The following ZNF260 variants were observed in gnomAD, a reference collection of about 807,000 sequenced individuals.
The protein encoded by ZNF260 is zinc finger protein 260.
A neutral mutation model predicts 29.3 loss-of-function variants in ZNF260; 21 were observed. The observed-to-expected ratio is 0.72, with a 90% CI of 0.51 to 1.03. ZNF260 has a LOEUF of 1.03. Ranked by LOEUF, ZNF260 falls within the 50% of genes least tolerant of loss-of-function variation. The probability of loss-of-function intolerance (pLI) is 0.00; values close to 1 mark genes in which losing one functional copy is unlikely to be tolerated. For missense variants in ZNF260, 465 were observed against 487.8 expected (o/e 0.95, Z 0.44); for synonymous variants, 156 against 156.8 (o/e 0.99, Z 0.04).
chr19:36,516,857 C>T (rs923514786), intron 2 of ZNF260, among the ~76,000 whole-genome samples: 22 of 152,154 alleles, frequency 1.4e-4, no homozygotes, highest in Admixed American at 4.6e-4. Context: ...GGATTACAGG[C>T]GTGAGCCACT....
At chr19:36,526,422 C>T (rs954228249) in intron 1 of ZNF260, among the ~76,000 whole-genome samples, 1 of 152,064 alleles carries the variant, frequency 6.6e-6, no homozygotes, top group Non-Finnish European at 1.5e-5. Context: ...ACACCTGTAC[C>T]TCAGCTACTT....
chr19:36,527,470 A>G (rs986489998), intron 1 of ZNF260, among the ~76,000 whole-genome samples: 6 of 152,214 alleles, frequency 3.9e-5, no homozygotes, highest in Non-Finnish European at 7.3e-5. Context: ...AATTTCCCCT[A>G]TATTTACAAA....
In ZNF260 at chr19:36,512,249, T is replaced by C. The variant is rs2034463621; in HGVS notation, c.*1751A>G. On this transcript the variant is annotated 3_prime_UTR_variant, in exon 3 of 3. Transcript: ENST00000523638. ...TATTTTAAAGATAAGATTTTAGAAA[T>C]ATCTTCTACAGAATATTAGTATCTG... The C allele has an allele frequency of 6.6e-6, 1 of 152,174 alleles. No homozygotes were observed. Among genetic ancestry groups the C allele is most frequent in the Non-Finnish European group, 1.5e-5 (1 of 68,028 alleles). 9.4% of individuals were successfully genotyped at this position (152,174 alleles called of 1,614,324 possible).
intron 1 of ZNF260, 59 bp from the exon 2 acceptor site, chr19:36,525,432 G>A (rs1446637278): frequency 6.6e-6 from 1 of 152,122 alleles, no homozygotes; most frequent in Non-Finnish European, 1.5e-5. Flanking sequence ...GTGAGCAAAT[G>A]GAAAAACAGT....
chr19:36,525,553 G>A (rs879603426), intron 1 of ZNF260, among the ~76,000 whole-genome samples, 180 bp from the exon 2 acceptor site: 2 of 152,130 alleles, frequency 1.3e-5, no homozygotes, highest in Admixed American at 6.6e-5. Flanking sequence ...TTGGGAGGCC[G>A]AGGCAGGCAG....
intron 1 of ZNF260, among the ~76,000 whole-genome samples, chr19:36,526,345 A>G (rs1398883212): frequency 2.6e-5 from 4 of 152,040 alleles, no homozygotes; most frequent in Admixed American, 1.3e-4. Context: ...GTTCGAGACC[A>G]GGCTGGCCAA....
intron 1 of ZNF260, among the ~76,000 whole-genome samples, chr19:36,525,962 G>C (rs974272105): frequency 6.6e-6 from 1 of 152,128 alleles, no homozygotes; most frequent in Admixed American, 6.6e-5. Context: ...CCTTGCTCCT[G>C]AGTGAAGTCA....
rs2034475257 is a variant in ZNF260, at chr19:36,512,911, C to G, written c.*1089G>C. On this transcript the variant is annotated 3_prime_UTR_variant, in exon 3 of 3. Coordinates refer to ENST00000523638, the MANE Select transcript of ZNF260 (RefSeq NM_001166037.2). Reference sequence around the variant, plus strand: ...TGTGTTCATGTTTCTTGGGTAGATGCATATATATAGTAGTTCCCCCTTATC... The same window carrying G: ...TGTGTTCATGTTTCTTGGGTAGATGGATATATATAGTAGTTCCCCCTTATC... The G allele has an allele frequency of 6.6e-6, 1 of 152,098 alleles. No individual in the cohort carries two copies. The highest frequency in any genetic ancestry group is 1.5e-5 in the Non-Finnish European group (1 of 68,012). 9.4% of individuals were successfully genotyped at this position (152,098 alleles called of 1,614,324 possible). A position where few individuals can be genotyped will look rare whatever the true frequency, so the allele number is the denominator to read the frequency against.
chr19:36,516,620 C>A (rs1382439902), intron 2 of ZNF260, among the ~76,000 whole-genome samples: 1 of 152,094 alleles, frequency 6.6e-6, no homozygotes, highest in Admixed American at 6.5e-5. Flanking sequence ...GCTCTGTCGC[C>A]CAGGCTGGAG....
rs2034482052 is a variant in ZNF260, at chr19:36,513,248, C to CT, written c.*751dup. On this transcript the variant is annotated 3_prime_UTR_variant, in exon 3 of 3. Transcript: ENST00000523638. ...TCCATCTCTTGCAGAAAATAGGGGA[C>CT]TACCATACTCAAGAGTGGAACTACC... The CT allele has an allele frequency of 6.6e-6, 1 of 152,114 alleles. No individual in the cohort carries two copies. Among genetic ancestry groups the CT allele is most frequent in the African/African-American group, 2.4e-5 (1 of 41,406 alleles). 9.4% of individuals were successfully genotyped at this position (152,114 alleles called of 1,614,324 possible).
rs2967505 is a variant in ZNF260 at position 36,514,036 on chromosome 19, T to C, written c.1203A>G (p.Ser401=). 539,587 of 1,613,346 alleles carry C rather than the reference T, an allele frequency of 0.33. 91,686 individuals carry two copies. Among genetic ancestry groups the C allele is most frequent in the African/African-American group, 0.41 (30,953 of 74,896 alleles). ...SECGKAFSQK[S]HHIRHQRIHT... ...GAATTCTCTGGTGTCTAATGTGATGTGACTTTTGGCTGAAAGCTTTCCCAC... is the reference window on the plus strand; with the variant it reads ...GAATTCTCTGGTGTCTAATGTGATGCGACTTTTGGCTGAAAGCTTTCCCAC... Residue 401 remains serine (S), a synonymous_variant, in exon 3 of 3, where the codon TCA becomes TCG. Transcript: ENST00000523638.
In ZNF260 at chr19:36,525,141, T is replaced by A. The variant is rs2034713454; in HGVS notation, c.-462+14A>T. 1 of 152,224 alleles carries A rather than the reference T, an allele frequency of 6.6e-6. No individual in the cohort carries two copies. Among genetic ancestry groups the A allele is most frequent in the Admixed American group, 6.5e-5 (1 of 15,276 alleles). 9.4% of individuals were successfully genotyped at this position (152,224 alleles called of 1,614,324 possible). ...TGAATAACTGCAATAAGTCTTTATCTCATTCATACCTACCAGGTTCTTGCT... is the reference window on the plus strand; with the variant it reads ...TGAATAACTGCAATAAGTCTTTATCACATTCATACCTACCAGGTTCTTGCT... On this transcript the variant is annotated intron_variant, in intron 2 of 2. Transcript: ENST00000523638.
chr19:36,526,684 T>G (rs1280618766), intron 1 of ZNF260, among the ~76,000 whole-genome samples: 1 of 152,216 alleles, frequency 6.6e-6, no homozygotes, highest in East Asian at 1.9e-4. Flanking sequence ...CTGTATTGTT[T>G]AGGGAATCAT....
At chr19:36,526,684 T>C (rs1280618766) in intron 1 of ZNF260, among the ~76,000 whole-genome samples, 1 of 152,216 alleles carries the variant, frequency 6.6e-6, no homozygotes, top group Non-Finnish European at 1.5e-5. Flanking sequence ...CTGTATTGTT[T>C]AGGGAATCAT....
chr19:36,514,284 G>A lies in ZNF260; in HGVS notation c.955C>T (p.Leu319Phe). Residue 319 changes from leucine to phenylalanine, a missense_variant, in exon 3 of 3, where the codon CTT (leucine) becomes TTT (phenylalanine). Physicochemically the swap from Leu to Phe is conservative, Grantham distance 22 (BLOSUM62 0). Transcript: ENST00000523638. The stretch of plus-strand genomic sequence containing the variant: ...GTATGAATTCTCACATGTACAATAA[G>A]TGATGTGATTCGAGAGAAGGCTTTT... ...CGKAFSRITS[L>F]IVHVRIHTGD... 6.2e-7 allele frequency: 1 copy of A among 1,614,118 alleles called. No individual in the cohort carries two copies. The highest frequency in any genetic ancestry group is 8.5e-7 in the Non-Finnish European group (1 of 1,179,990).
At chr19:36,520,625 G>A (rs1321377442) in intron 2 of ZNF260, among the ~76,000 whole-genome samples, 1 of 152,072 alleles carries the variant, frequency 6.6e-6, no homozygotes, top group Non-Finnish European at 1.5e-5. Context: ...GGCCAAGGCA[G>A]GCAGATCACA....
intron 2 of ZNF260, among the ~76,000 whole-genome samples, chr19:36,524,517 G>T (rs79085144): frequency 3.7e-4 from 34 of 90,942 alleles, no homozygotes; most frequent in South Asian, 2.4e-3. Context: ...TTACATGCTA[G>T]TTTTTTTTTT....
At chr19:36,519,340 TAC>T (rs1568552934) in intron 2 of ZNF260, among the ~76,000 whole-genome samples, 1 of 152,196 alleles carries the variant, frequency 6.6e-6, no homozygotes, top group Admixed American at 6.5e-5. Flanking sequence ...CAACAATGCT[TAC>T]AGTGTTATAG....
chr19:36,520,844 A>C (rs2034632834), intron 2 of ZNF260, among the ~76,000 whole-genome samples: 1 of 138,674 alleles, frequency 7.2e-6, no homozygotes, highest in African/African-American at 2.7e-5. Flanking sequence ...TGGGTGACAG[A>C]GCGAGATTCC....
Sources: gnomAD v4.1 joint callset for allele counts (sites outside exome capture counted in the v4.1 genomes callset) on GRCh38, gnomAD v4.1.1 for gene constraint, MANE v1.5 for transcripts, NCBI Gene and HGNC (gene_info 2026-07-23, HGNC 2026-07-21) for gene names.